The following PDE5A variants were observed in gnomAD, a reference collection of about 807,000 sequenced individuals.
The protein encoded by PDE5A is phosphodiesterase 5A, also known as cGMP-specific 3',5'-cyclic phosphodiesterase.
In PDE5A, 67 loss-of-function variants were observed where a neutral mutation model predicts 110.2. The observed-to-expected ratio is 0.61, with a 90% CI of 0.50 to 0.75. The LOEUF (loss-of-function observed/expected upper bound fraction) is 0.75, where lower values mean the gene tolerates loss of function less well. Ranked by LOEUF, PDE5A falls within the 30% of genes least tolerant of loss-of-function variation. PDE5A has a pLI of 0.00. For missense variants in PDE5A, 862 were observed against 1,045.1 expected (o/e 0.82, Z 2.42); for synonymous variants, 328 against 351.2 (o/e 0.93, Z 0.74).
chr4:119,588,665 T>A (rs1449051640), intron 3 of PDE5A, among the ~76,000 whole-genome samples: 1 of 152,136 alleles, frequency 6.6e-6, no homozygotes, highest in Non-Finnish European at 1.5e-5. Context: ...TAAAAAACAT[T>A]TATTTTTGTA....
In PDE5A at chr4:119,540,922, C is replaced by T. The variant is rs145701817; in HGVS notation, c.1572+1537G>A. On this transcript the variant is annotated intron_variant, in intron 10 of 20. Transcript: ENST00000354960. Reference sequence around the variant, plus strand: ...GACCTGAAATCAAAAACTTTTTATACTAGGTAAAAGCCTAATTATCCATAT... The same window carrying T: ...GACCTGAAATCAAAAACTTTTTATATTAGGTAAAAGCCTAATTATCCATAT... 3.0e-3 allele frequency among the ~76,000 whole-genome samples: 458 copies of T among 152,126 alleles called. 1 individual carries two copies. The highest frequency in any genetic ancestry group is 0.01 in the African/African-American group (431 of 41,500).
intron 6 of PDE5A, 36 bp downstream of exon 6, chr4:119,562,797 C>A: frequency 1.4e-6 from 2 of 1,465,008 alleles, no homozygotes; most frequent in South Asian, 1.5e-5. Flanking sequence ...AAGTTTCTGT[C>A]TTTCTAAAAA....
chr4:119,526,916 C>A (rs562287423), intron 11 of PDE5A: 1 of 151,850 alleles, frequency 6.6e-6, no homozygotes, highest in Non-Finnish European at 1.5e-5. Context: ...ATGTGTGGGC[C>A]GAAATAGGGG....
intron 2 of PDE5A, among the ~76,000 whole-genome samples, chr4:119,601,978 G>C (rs1484910149): frequency 6.6e-6 from 1 of 152,014 alleles, no homozygotes; most frequent in Non-Finnish European, 1.5e-5. Context: ...ATGGAGGGGA[G>C]ACTAAACAGA....
At chr4:119,607,986 A>G (rs944548997) in intron 1 of PDE5A, among the ~76,000 whole-genome samples, 3 of 152,204 alleles carry the variant, frequency 2.0e-5, no homozygotes, top group African/African-American at 7.2e-5. Context: ...ACTTGTTCTG[A>G]AGTTAAATAT....
chr4:119,500,267 T>G (rs1358426947), intron 20 of PDE5A: 3 of 151,586 alleles, frequency 2.0e-5, no homozygotes, highest in East Asian at 1.9e-4. Context: ...ACCTAGTTTT[T>G]TTTTTTTTTT....
intron 2 of PDE5A, among the ~76,000 whole-genome samples, chr4:119,598,680 A>T (rs1338060698): frequency 6.6e-6 from 1 of 152,198 alleles, no homozygotes; most frequent in African/African-American, 2.4e-5. Context: ...AGACAACATA[A>T]GTAATTGCCA....
chr4:119,545,333 G>C (rs1727096355), intron 9 of PDE5A, among the ~76,000 whole-genome samples: 1 of 152,088 alleles, frequency 6.6e-6, no homozygotes, highest in African/African-American at 2.4e-5. Context: ...AGATTAAGGA[G>C]TACAATAATG....
chr4:119,610,036 T>C lies in PDE5A; in HGVS notation c.153-2739A>G, dbSNP rs189349937. Among the ~76,000 whole-genome samples the C allele has an allele frequency of 1.6e-3, 237 of 152,322 alleles. 1 individual carries two copies. The highest frequency in any genetic ancestry group is 6.4e-3 in the East Asian group (33 of 5,182). ...AGAAGCACAAAAGCAATGTGGTAGG[T>C]AAGTGTATTGTACAAATCACAAGCA... On this transcript the variant is annotated intron_variant, in intron 1 of 20. Transcript: ENST00000354960.
At chr4:119,592,331 G>A (rs1483827849) in intron 3 of PDE5A, among the ~76,000 whole-genome samples, 4 of 150,446 alleles carry the variant, frequency 2.7e-5, no homozygotes, top group Non-Finnish European at 5.9e-5. Context: ...GGTGGCGGGC[G>A]CCTGTAGTTC....
chr4:119,506,734 T>C (rs988328837), intron 16 of PDE5A, among the ~76,000 whole-genome samples: 1 of 151,920 alleles, frequency 6.6e-6, no homozygotes, highest in Non-Finnish European at 1.5e-5. Flanking sequence ...TGAAGTTTAC[T>C]ATTAATATAT....
chr4:119,586,892 T>C (rs547756834), intron 3 of PDE5A, among the ~76,000 whole-genome samples: 1 of 152,346 alleles, frequency 6.6e-6, no homozygotes, highest in South Asian at 2.1e-4. Context: ...ACACAAAGCC[T>C]ACCACATTAA....
At chr4:119,502,802 A>G (rs903013818) in intron 18 of PDE5A, 147 bp from the exon 19 acceptor site, 4 of 597,872 alleles carry the variant, frequency 6.7e-6, no homozygotes, top group East Asian at 5.6e-5. Context: ...CAAGTAGTCC[A>G]TGTCCAAAGC....
chr4:119,530,613 TG>T (rs1726496645), intron 11 of PDE5A, among the ~76,000 whole-genome samples: 2 of 152,276 alleles, frequency 1.3e-5, no homozygotes, highest in South Asian at 4.1e-4. Flanking sequence ...TTATACAAAT[TG>T]TATAATTATC....
chr4:119,514,487 T>C (rs1323075472), intron 14 of PDE5A, among the ~76,000 whole-genome samples: 1 of 152,130 alleles, frequency 6.6e-6, no homozygotes, highest in Non-Finnish European at 1.5e-5. Context: ...AACCTTTTTT[T>C]TTTTTTGCCT....
At chr4:119,588,170 C>CTTTTT (rs11297755) in intron 3 of PDE5A, among the ~76,000 whole-genome samples, 1 of 129,076 alleles carries the variant, frequency 7.7e-6, no homozygotes, top group Non-Finnish European at 1.7e-5. Context: ...CCAATTTTTT[C>CTTTTT]TTTTTTTTTT....
chr4:119,501,922 GT>G (rs1288778307), intron 19 of PDE5A, among the ~76,000 whole-genome samples: 2 of 152,078 alleles, frequency 1.3e-5, no homozygotes, highest in Non-Finnish European at 2.9e-5. Context: ...TGTTTGCAGT[GT>G]TCACTATTAC....
intron 18 of PDE5A, 67 bp downstream of exon 18, chr4:119,504,469 A>G (rs1482442165): frequency 3.4e-6 from 4 of 1,185,004 alleles, no homozygotes; most frequent in Non-Finnish European, 5.0e-6. Flanking sequence ...GATACCTAGT[A>G]GTGGGATTGC....
At chr4:119,574,822 C>A (rs190649842) in intron 3 of PDE5A, among the ~76,000 whole-genome samples, 10 of 152,202 alleles carry the variant, frequency 6.6e-5, no homozygotes, top group African/African-American at 2.2e-4. Context: ...CAAGAAAAAG[C>A]AAAACTAATT....
Sources: gnomAD v4.1 joint callset for allele counts (sites outside exome capture counted in the v4.1 genomes callset) on GRCh38, gnomAD v4.1.1 for gene constraint, MANE v1.5 for transcripts, NCBI Gene and HGNC (gene_info 2026-07-23, HGNC 2026-07-21) for gene names.